The following CFTR variants were observed in gnomAD, a reference collection of about 807,000 sequenced individuals.
The protein encoded by CFTR is CF transmembrane conductance regulator.
CFTR carries 181 observed loss-of-function variants against 171.6 expected under a neutral mutation model. The observed-to-expected ratio is 1.05, with a 90% CI of 0.93 to 1.19. CFTR has a LOEUF of 1.19. Among genes scored for constraint, CFTR ranks in the 50% most tolerant of loss-of-function variants. The pLI is 0.00. For synonymous variants in CFTR, 583 were observed against 608.0 expected (o/e 0.96, Z 0.60); for missense variants, 1,968 against 1,734.7 (o/e 1.13, Z -2.39).
At chr7:117,536,402 T>A in intron 6 of CFTR, 146 bp from the exon 7 acceptor site, 1 of 823,678 alleles carries the variant, frequency 1.2e-6, no homozygotes, top group South Asian at 1.5e-5. Context: ...GTAGTTATTA[T>A]TTTTGTTACC....
At chr7:117,543,536 C>A in intron 9 of CFTR, among the ~76,000 whole-genome samples, 1 of 152,034 alleles carries the variant, frequency 6.6e-6, no homozygotes, top group Non-Finnish European at 1.5e-5. Flanking sequence ...ATGTTTTGTC[C>A]CAATTAATTC....
chr7:117,523,621 C>T (rs1376667555), intron 3 of CFTR, among the ~76,000 whole-genome samples: 1 of 152,184 alleles, frequency 6.6e-6, no homozygotes, highest in Non-Finnish European at 1.5e-5. Context: ...TTGTGATCCT[C>T]CTGCCTCGGC....
chr7:117,505,852 T>A (rs1265008749), intron 2 of CFTR, among the ~76,000 whole-genome samples: 1 of 152,202 alleles, frequency 6.6e-6, no homozygotes, highest in African/African-American at 2.4e-5. Context: ...AAGTAAGATA[T>A]TAAACTTTAT....
intron 3 of CFTR, among the ~76,000 whole-genome samples, chr7:117,518,524 CAT>C (rs1398314861): frequency 2.7e-5 from 4 of 146,684 alleles, no homozygotes; most frequent in Non-Finnish European, 6.0e-5. Context: ...AAATAGCAAA[CAT>C]GTATATATAA....
chr7:117,500,260 A>G (rs979514773), intron 1 of CFTR, among the ~76,000 whole-genome samples: 1 of 148,170 alleles, frequency 6.7e-6, no homozygotes, highest in African/African-American at 2.5e-5. Flanking sequence ...CTTTGATGGG[A>G]CATAATTTTC....
intron 16 of CFTR, among the ~76,000 whole-genome samples, chr7:117,603,304 T>C (rs1792252633): frequency 6.6e-6 from 1 of 152,216 alleles, no homozygotes; most frequent in African/African-American, 2.4e-5. Flanking sequence ...ATATTTAGGG[T>C]TTTCTTCAAA....
intron 21 of CFTR, among the ~76,000 whole-genome samples, chr7:117,623,260 A>C (rs753791154): frequency 1.3e-5 from 2 of 152,218 alleles, no homozygotes; most frequent in Non-Finnish European, 2.9e-5. Flanking sequence ...GTCTAAGAAA[A>C]GTGCTCCTAC....
intron 6 of CFTR, among the ~76,000 whole-genome samples, chr7:117,536,274 T>C (rs1016354303): frequency 1.3e-5 from 2 of 152,210 alleles, no homozygotes; most frequent in Non-Finnish European, 2.9e-5. Flanking sequence ...ACTGAGTCTT[T>C]GCTTTTTTCA....
chr7:117,501,168 A>T (rs1217148587), intron 1 of CFTR, among the ~76,000 whole-genome samples: 2 of 152,172 alleles, frequency 1.3e-5, no homozygotes, highest in Non-Finnish European at 2.9e-5. Flanking sequence ...ATAATTTCAA[A>T]CATATTGAAA....
chr7:117,596,135 G>A (rs529358033), intron 15 of CFTR, among the ~76,000 whole-genome samples: 3 of 151,314 alleles, frequency 2.0e-5, no homozygotes, highest in East Asian at 2.0e-4. Flanking sequence ...CTCAGCTTGC[G>A]GGGAGGTGTG....
intron 9 of CFTR, among the ~76,000 whole-genome samples, chr7:117,548,210 TTTAG>T (rs939154610): frequency 6.6e-6 from 1 of 152,128 alleles, no homozygotes; most frequent in Non-Finnish European, 1.5e-5. Context: ...GCTGTGTGAC[TTTAG>T]TCATTTAACT....
intron 1 of CFTR, among the ~76,000 whole-genome samples, chr7:117,497,081 G>C (rs182978579): frequency 2.0e-5 from 3 of 152,066 alleles, no homozygotes; most frequent in Non-Finnish European, 2.9e-5. Context: ...TAAAAAATTA[G>C]TTGTAATATG....
At chr7:117,595,547 T>C (rs1343569384) in intron 15 of CFTR, among the ~76,000 whole-genome samples, 1 of 151,588 alleles carries the variant, frequency 6.6e-6, no homozygotes, top group Admixed American at 6.6e-5. Context: ...TTATAATAAA[T>C]GTTAAGAGAT....
At chr7:117,484,599 T>G (rs562080735) in intron 1 of CFTR, among the ~76,000 whole-genome samples, 1 of 152,190 alleles carries the variant, frequency 6.6e-6, no homozygotes, top group Non-Finnish European at 1.5e-5. Flanking sequence ...GCTGGGAATC[T>G]GTGTTAATTT....
intron 3 of CFTR, among the ~76,000 whole-genome samples, chr7:117,529,282 C>T (rs1474346807): frequency 7.4e-5 from 8 of 108,438 alleles, no homozygotes; most frequent in East Asian, 2.5e-4. Flanking sequence ...AACCAAACAC[C>T]GCATATTCTC....
At chr7:117,600,132 G>GA (rs1192389411) in intron 15 of CFTR, among the ~76,000 whole-genome samples, 1 of 151,436 alleles carries the variant, frequency 6.6e-6, no homozygotes, top group African/African-American at 2.4e-5. Context: ...CTATTAAACT[G>GA]AAAAAAAATT....
intron 12 of CFTR, among the ~76,000 whole-genome samples, chr7:117,588,278 T>C (rs1214105222): frequency 6.6e-6 from 1 of 152,132 alleles, no homozygotes; most frequent in East Asian, 1.9e-4. Context: ...AGGCAAATGA[T>C]GTCACTTGGC....
At chr7:117,648,898 AT>A (rs915015843) in intron 23 of CFTR, among the ~76,000 whole-genome samples, 3 of 150,360 alleles carry the variant, frequency 2.0e-5, no homozygotes, top group Non-Finnish European at 3.0e-5. Context: ...GTTCAGTTAA[AT>A]TTTTTTTTTC....
chr7:117,493,297 A>C (rs911490509), intron 1 of CFTR, among the ~76,000 whole-genome samples: 1 of 152,078 alleles, frequency 6.6e-6, no homozygotes, highest in African/African-American at 2.4e-5. Flanking sequence ...ATGTTTTGCT[A>C]TTGGAAAAAA....
Sources: allele counts gnomAD v4.1 joint callset (sites outside exome capture counted in the v4.1 genomes callset), GRCh38; gene constraint gnomAD v4.1.1; transcripts MANE v1.5; gene names NCBI Gene and HGNC (gene_info 2026-07-23, HGNC 2026-07-21).